FAF1: variants seen among roughly 807,000 people sequenced by gnomAD.
FAF1 encodes the protein FAS-associated factor 1.
In FAF1, 25 loss-of-function variants were observed where a neutral mutation model predicts 92.5. The ratio of observed to expected loss-of-function variants is 0.27; its 90% CI spans 0.20 to 0.38. The LOEUF (loss-of-function observed/expected upper bound fraction) is 0.38, where lower values mean the gene tolerates loss of function less well. FAF1 is among the 10% of genes least tolerant of loss of function. The pLI is 1.00. For synonymous variants in FAF1, 234 were observed against 273.2 expected, an observed-to-expected ratio of 0.86 and a Z score of 1.42; for missense variants, 636 against 793.3, an observed-to-expected ratio of 0.80 and a Z score of 2.38.
chr1:50,616,415 T>G (rs187018089), intron 8 of FAF1, among the ~76,000 whole-genome samples: 1 of 152,348 alleles, frequency 6.6e-6, no homozygotes, highest in Admixed American at 6.5e-5. Flanking sequence ...AGAATCTGTA[T>G]GTTGCCTTTG....
intron 7 of FAF1, among the ~76,000 whole-genome samples, chr1:50,683,183 AT>A (rs768616288): frequency 1.8e-4 from 27 of 152,150 alleles, no homozygotes; most frequent in Non-Finnish European, 3.7e-4. Flanking sequence ...TATATACATC[AT>A]GGTTATGGAG....
chr1:50,530,225 A>G (rs1359997064), intron 15 of FAF1, among the ~76,000 whole-genome samples: 5 of 149,374 alleles, frequency 3.3e-5, no homozygotes, highest in African/African-American at 5.0e-5. Flanking sequence ...TAGTTTTGCT[A>G]GCTTTAAGAA....
chr1:50,940,713 A>C (rs1645125768), intron 1 of FAF1, among the ~76,000 whole-genome samples: 1 of 152,238 alleles, frequency 6.6e-6, no homozygotes, highest in Non-Finnish European at 1.5e-5. Flanking sequence ...ACTTTCAAGA[A>C]AGAATTTTAA....
At chr1:50,789,864 C>T (rs181841543) in intron 3 of FAF1, among the ~76,000 whole-genome samples, 1 of 152,298 alleles carries the variant, frequency 6.6e-6, no homozygotes, top group East Asian at 1.9e-4. Flanking sequence ...CTAACAGGCG[C>T]ATGGTCTTTC....
At chr1:50,602,503 CTT>C (rs1424715054) in intron 8 of FAF1, among the ~76,000 whole-genome samples, 23 of 136,580 alleles carry the variant, frequency 1.7e-4, no homozygotes, top group Non-Finnish European at 1.1e-4. Context: ...TAAAGTATTG[CTT>C]TTTTTTTTTT....
At chr1:50,750,443 T>G (rs1490344788) in intron 4 of FAF1, among the ~76,000 whole-genome samples, 1 of 152,048 alleles carries the variant, frequency 6.6e-6, no homozygotes, top group Non-Finnish European at 1.5e-5. Context: ...ATATACAGTG[T>G]TATAACCACC....
At chr1:50,732,516 T>A (rs1658970075) in intron 6 of FAF1, among the ~76,000 whole-genome samples, 1 of 152,198 alleles carries the variant, frequency 6.6e-6, no homozygotes, top group Non-Finnish European at 1.5e-5. Context: ...TTCAATGCTA[T>A]TTGCCTTAAA....
In FAF1 at chr1:50,573,957, A is replaced by G. The variant is rs1024820953; in HGVS notation, c.1114-6726T>C. 2.7e-5 allele frequency among the ~76,000 whole-genome samples: 4 copies of G among 150,828 alleles called. No homozygotes were observed. The East Asian group carries it at 7.7e-4, about 29-fold the overall frequency. ...AGCCTGGCCAACAGGGCGAAACCCCATCTCTACTAAAAATACAAAAAATTG... is the reference window on the plus strand; with the variant it reads ...AGCCTGGCCAACAGGGCGAAACCCCGTCTCTACTAAAAATACAAAAAATTG... On this transcript the variant is annotated intron_variant, in intron 12 of 18. Coordinates refer to ENST00000396153, the MANE Select transcript of FAF1 (RefSeq NM_007051.3).
chr1:50,952,500 C>T (rs1325101935), intron 1 of FAF1, among the ~76,000 whole-genome samples: 3 of 152,240 alleles, frequency 2.0e-5, no homozygotes, highest in Admixed American at 1.3e-4. Context: ...TCCCAAAGTG[C>T]CGAGATTGCA....
chr1:50,819,873 T>C (rs1312423574), intron 2 of FAF1, among the ~76,000 whole-genome samples: 1 of 145,172 alleles, frequency 6.9e-6, no homozygotes, highest in African/African-American at 2.5e-5. Context: ...GGAAATTTAT[T>C]TATTTATATA....
At chr1:50,527,723 ACT>A (rs1647888268) in intron 15 of FAF1, among the ~76,000 whole-genome samples, 1 of 150,246 alleles carries the variant, frequency 6.7e-6, no homozygotes. Flanking sequence ...TATACTTATC[ACT>A]CTTCCATTGA....
chr1:50,764,358 C>T (rs1465724627), intron 4 of FAF1, among the ~76,000 whole-genome samples: 1 of 152,160 alleles, frequency 6.6e-6, no homozygotes, highest in East Asian at 1.9e-4. Context: ...TCAGCGTACT[C>T]AATCGTGTAG....
intron 6 of FAF1, among the ~76,000 whole-genome samples, chr1:50,736,085 A>G (rs1659124433): frequency 6.6e-6 from 1 of 152,170 alleles, no homozygotes; most frequent in Non-Finnish European, 1.5e-5. Context: ...GAGTGAATTC[A>G]CACACTGAAA....
At chr1:50,846,777 T>C (rs1383241608) in intron 2 of FAF1, 6 of 692,424 alleles carry the variant, frequency 8.7e-6, no homozygotes, top group Non-Finnish European at 1.6e-5. Context: ...ACTAAAAGAA[T>C]GTGAAGGGAT....
chr1:50,903,668 A>C (rs918816126), intron 1 of FAF1, among the ~76,000 whole-genome samples: 17 of 152,212 alleles, frequency 1.1e-4, no homozygotes, highest in South Asian at 8.3e-4. Flanking sequence ...AAAAGAAAAA[A>C]TTCAATTTGC....
chr1:50,834,146 C>T (rs1416490105), intron 2 of FAF1, among the ~76,000 whole-genome samples: 8 of 152,190 alleles, frequency 5.3e-5, no homozygotes, highest in Non-Finnish European at 1.2e-4. Flanking sequence ...CCGCTTCGCC[C>T]TCTTCCTCCT....
chr1:50,809,981 C>A (rs114054879), intron 2 of FAF1, among the ~76,000 whole-genome samples: 1 of 152,184 alleles, frequency 6.6e-6, no homozygotes, highest in Non-Finnish European at 1.5e-5. Context: ...ATTGGCTTGG[C>A]GCAGTGGCTC....
At chr1:50,587,030 C>A (rs915134606) in intron 9 of FAF1, among the ~76,000 whole-genome samples, 1 of 152,170 alleles carries the variant, frequency 6.6e-6, no homozygotes, top group Admixed American at 6.5e-5. Flanking sequence ...CTAGTACTCA[C>A]CCCCTCCTTT....
At chr1:50,920,257 G>A (rs1218753582) in intron 1 of FAF1, among the ~76,000 whole-genome samples, 4 of 150,624 alleles carry the variant, frequency 2.7e-5, no homozygotes, top group Non-Finnish European at 5.9e-5. Flanking sequence ...AGCCAAGATC[G>A]CGCCACCACA....
Sources: allele counts gnomAD v4.1 joint callset (sites outside exome capture counted in the v4.1 genomes callset), GRCh38; gene constraint gnomAD v4.1.1; transcripts MANE v1.5; gene names NCBI Gene and HGNC (gene_info 2026-07-23, HGNC 2026-07-21).